KLF12: variants seen among roughly 807,000 people sequenced by gnomAD.
KLF12 encodes the protein KLF transcription factor 12.
Under a neutral mutation model 37.8 loss-of-function variants are expected in KLF12, and 9 were observed. The ratio of observed to expected loss-of-function variants is 0.24; its 90% CI spans 0.14 to 0.42. The LOEUF (loss-of-function observed/expected upper bound fraction) is 0.42. Among genes scored for constraint, KLF12 ranks in the 10% least tolerant of loss-of-function variants. KLF12 has a pLI of 1.00. For missense variants in KLF12, 411 were observed against 516.0 expected (o/e 0.80, Z 1.97); for synonymous variants, 208 against 202.1 (o/e 1.03, Z -0.25).
intron 1 of KLF12, among the ~76,000 whole-genome samples, chr13:74,089,220 C>T (rs768829966): frequency 3.3e-5 from 5 of 152,026 alleles, no homozygotes; most frequent in African/African-American, 1.2e-4. Context: ...AAACTTCCAC[C>T]CGCCCCCTAC....
intron 2 of KLF12, among the ~76,000 whole-genome samples, chr13:73,957,647 CAA>C (rs1352112859): frequency 1.3e-5 from 2 of 152,140 alleles, no homozygotes; most frequent in African/African-American, 4.8e-5. Context: ...TTCACAAAAA[CAA>C]AGAGTGACCC....
chr13:74,131,989 C>T (rs150825418), intron 1 of KLF12, among the ~76,000 whole-genome samples: 244 of 152,244 alleles, frequency 1.6e-3, no homozygotes, highest in Non-Finnish European at 2.7e-3. Context: ...CATCCTATTT[C>T]CACTATGCTT....
At chr13:74,010,806 G>T (rs999203502) in intron 1 of KLF12, among the ~76,000 whole-genome samples, 2 of 152,124 alleles carry the variant, frequency 1.3e-5, no homozygotes, top group African/African-American at 4.8e-5. Flanking sequence ...AATACAACCA[G>T]ATTTCTAGAA....
intron 1 of KLF12, among the ~76,000 whole-genome samples, chr13:74,086,664 T>C (rs1196553231): frequency 6.6e-6 from 1 of 152,074 alleles, no homozygotes; most frequent in Non-Finnish European, 1.5e-5. Context: ...CCCCTGAACA[T>C]CATGGAGGTT....
intron 4 of KLF12, 95 bp from the exon 5 acceptor site, chr13:73,813,382 T>G (rs1883047020): frequency 1.5e-6 from 2 of 1,336,824 alleles, no homozygotes; most frequent in African/African-American, 1.5e-5. Context: ...TCTGTGCATA[T>G]CATGCAAATG....
chr13:74,203,682 T>C, the KLF12 span, among the ~76,000 whole-genome samples: 28 of 151,960 alleles, frequency 1.8e-4, no homozygotes, highest in African/African-American at 6.0e-4. Context: ...GCAAAGAGGG[T>C]TTAAAATGTC....
At chr13:74,266,595 C>T in the KLF12 span, among the ~76,000 whole-genome samples, 1 of 152,150 alleles carries the variant, frequency 6.6e-6, no homozygotes. Flanking sequence ...CTCTCTCAAC[C>T]CCAGTGGCCT....
chr13:74,075,236 T>C (rs911188670), intron 1 of KLF12, among the ~76,000 whole-genome samples: 1 of 152,224 alleles, frequency 6.6e-6, no homozygotes, highest in Non-Finnish European at 1.5e-5. Context: ...GCCAGTGATT[T>C]AGTCAGGGTC....
chr13:73,955,396 A>G (rs1165193657), intron 2 of KLF12, among the ~76,000 whole-genome samples: 2 of 152,216 alleles, frequency 1.3e-5, no homozygotes, highest in Non-Finnish European at 2.9e-5. Context: ...CAGAAAACTA[A>G]CCCACACAAT....
chr13:73,794,852 A>G (rs1409039972), intron 5 of KLF12, among the ~76,000 whole-genome samples: 1 of 152,210 alleles, frequency 6.6e-6, no homozygotes, highest in Non-Finnish European at 1.5e-5. Context: ...TAAATAGCCC[A>G]CAAAATAAAG....
chr13:74,213,015 G>A, the KLF12 span, among the ~76,000 whole-genome samples: 77 of 151,712 alleles, frequency 5.1e-4, no homozygotes, highest in Admixed American at 4.6e-3. Flanking sequence ...TATAATAATC[G>A]TGTAGAACAT....
chr13:74,007,404 TG>T (rs1892438343), intron 1 of KLF12, among the ~76,000 whole-genome samples: 1 of 150,832 alleles, frequency 6.6e-6, no homozygotes, highest in African/African-American at 2.4e-5. Flanking sequence ...CAGTCTCAGC[TG>T]GGACCACAGG....
intron 5 of KLF12, among the ~76,000 whole-genome samples, chr13:73,795,673 A>C (rs1881920658): frequency 6.6e-6 from 1 of 152,216 alleles, no homozygotes; most frequent in Non-Finnish European, 1.5e-5. Context: ...TCTGAAAAGC[A>C]CTTAAGAAAC....
At chr13:74,241,209 G>A in the KLF12 span, among the ~76,000 whole-genome samples, 1 of 152,098 alleles carries the variant, frequency 6.6e-6, no homozygotes, top group Admixed American at 6.5e-5. Flanking sequence ...AGCCATGTGA[G>A]GTGTCAGTGT....
chr13:74,065,279 T>C (rs1030983017), intron 1 of KLF12, among the ~76,000 whole-genome samples: 6 of 152,116 alleles, frequency 3.9e-5, no homozygotes, highest in Non-Finnish European at 7.4e-5. Flanking sequence ...CATATGCACA[T>C]ACATATTGGC....
chr13:73,881,335 T>A (rs1189119980), intron 3 of KLF12, among the ~76,000 whole-genome samples: 1 of 152,140 alleles, frequency 6.6e-6, no homozygotes, highest in African/African-American at 2.4e-5. Context: ...AATAAAATAA[T>A]TGCTTCCATT....
At chr13:74,100,129 G>A (rs1382862485) in intron 1 of KLF12, among the ~76,000 whole-genome samples, 1 of 152,078 alleles carries the variant, frequency 6.6e-6, no homozygotes, top group Non-Finnish European at 1.5e-5. Context: ...TGAAGGAAGA[G>A]GAGATGGTAA....
At chr13:74,213,530 A>G in the KLF12 span, among the ~76,000 whole-genome samples, 1 of 151,870 alleles carries the variant, frequency 6.6e-6, no homozygotes, top group Non-Finnish European at 1.5e-5. Context: ...TATTTCCTTT[A>G]ACTGGTAGTT....
At chr13:73,848,718 G>C (rs1055087678) in intron 3 of KLF12, among the ~76,000 whole-genome samples, 57 of 151,904 alleles carry the variant, frequency 3.8e-4, no homozygotes, top group African/African-American at 1.4e-3. Context: ...AGAATTACAT[G>C]GCTTTTGCAT....
Sources: gnomAD v4.1 joint callset for allele counts (sites outside exome capture counted in the v4.1 genomes callset) on GRCh38, gnomAD v4.1.1 for gene constraint, MANE v1.5 for transcripts, NCBI Gene and HGNC (gene_info 2026-07-23, HGNC 2026-07-21) for gene names.